The following LYPD6B variants were observed in gnomAD, a reference collection of about 807,000 sequenced individuals.
The protein encoded by LYPD6B is ly6/PLAUR domain-containing protein 6B.
LYPD6B carries 17 observed loss-of-function variants against 22.8 expected under a neutral mutation model. The observed-to-expected ratio is 0.75, with a 90% CI of 0.51 to 1.12. LYPD6B has a LOEUF of 1.12. Among genes scored for constraint, LYPD6B ranks in the 50% most tolerant of loss-of-function variants. LYPD6B has a pLI of 0.00. For missense variants in LYPD6B, 221 were observed against 258.3 expected, an observed-to-expected ratio of 0.86 and a Z score of 0.99; for synonymous variants, 106 against 91.6, an observed-to-expected ratio of 1.16 and a Z score of -0.90.
intron 3 of LYPD6B, among the ~76,000 whole-genome samples, chr2:149,197,866 GA>G (rs1575164984): frequency 6.6e-6 from 1 of 152,160 alleles, no homozygotes; most frequent in East Asian, 1.9e-4. Context: ...ATCATTTATG[GA>G]AACAAACAGG....
chr2:149,122,031 C>T (rs1333462022), intron 1 of LYPD6B, among the ~76,000 whole-genome samples: 1 of 152,226 alleles, frequency 6.6e-6, no homozygotes, highest in Non-Finnish European at 1.5e-5. Context: ...AACAAACTAT[C>T]ACCATAATTG....
In LYPD6B at chr2:149,215,092, A is replaced by G. The variant is rs1309201427; in HGVS notation, c.*382A>G. 2 of 185,274 alleles carry G rather than the reference A, an allele frequency of 1.1e-5. No individual in the cohort carries two copies. Among genetic ancestry groups the G allele is most frequent in the African/African-American group, 4.6e-5 (2 of 43,234 alleles). The allele number at this position is 185,274 out of a possible 1,614,324, so 11.5% of individuals were successfully genotyped here. On this transcript the variant is annotated 3_prime_UTR_variant, in exon 7 of 7. Transcript: ENST00000409642. ...ACCCTCTTGTTTATGTGATTAGCTC[A>G]GAGCATCTCTATGAAATCTAACCCT...
intron 3 of LYPD6B, among the ~76,000 whole-genome samples, chr2:149,165,527 TTAA>T (rs1245819863): frequency 1.3e-5 from 2 of 152,198 alleles, no homozygotes; most frequent in African/African-American, 4.8e-5. Flanking sequence ...TATAATAAAG[TTAA>T]TAACAACACA....
chr2:149,192,419 C>CTTTT (rs11369954), intron 3 of LYPD6B, among the ~76,000 whole-genome samples: 34 of 125,176 alleles, frequency 2.7e-4, no homozygotes, highest in African/African-American at 8.8e-4. Context: ...AGGGGCAAGT[C>CTTTT]TTTTTTTTTT....
intron 3 of LYPD6B, among the ~76,000 whole-genome samples, chr2:149,202,056 T>G (rs1389555633): frequency 6.6e-6 from 1 of 152,188 alleles, no homozygotes; most frequent in Non-Finnish European, 1.5e-5. Flanking sequence ...ATCAGTTGTT[T>G]TTAAGTTGTC....
Position 149,214,684 on chromosome 2 carries a change from T to G in LYPD6B, c.598T>G (p.Trp200Gly). 1.9e-6 allele frequency: 3 copies of G among 1,614,022 alleles called. No homozygotes were observed. The highest frequency in any genetic ancestry group is 2.5e-6 in the Non-Finnish European group (3 of 1,179,882). The change falls in exon 7 of 7, where the codon TGG becomes GGG. Residue 200 changes from tryptophan (W) to glycine (G), a missense_variant. Physicochemically the swap from Trp to Gly is radical, Grantham distance 184 (BLOSUM62 -2). Coordinates refer to ENST00000409642, the MANE Select transcript of LYPD6B (RefSeq NM_177964.5). ...CACACTCTACCTACCAGTGCTTGCC[T>G]GGGTCTTTGTGCTTCCATTGCTGTG... ...APTLYLPVLA[W>G]VFVLPLL
At chr2:149,046,959 T>G (rs939473455) in intron 1 of LYPD6B, among the ~76,000 whole-genome samples, 1 of 152,218 alleles carries the variant, frequency 6.6e-6, no homozygotes, top group East Asian at 1.9e-4. Flanking sequence ...CTTTTATTCT[T>G]AAACAATTCT....
intron 1 of LYPD6B, among the ~76,000 whole-genome samples, chr2:149,040,346 C>T (rs1479438512): frequency 6.6e-6 from 1 of 152,032 alleles, no homozygotes; most frequent in African/African-American, 2.4e-5. Flanking sequence ...CTGCCTCAGC[C>T]TCCCAAGTAG....
intron 1 of LYPD6B, among the ~76,000 whole-genome samples, chr2:149,094,678 CTAAA>C (rs1246484621): frequency 1.3e-5 from 2 of 152,116 alleles, no homozygotes; most frequent in Non-Finnish European, 2.9e-5. Flanking sequence ...ATATTTAAAA[CTAAA>C]TAGTTATAGA....
intron 2 of LYPD6B, among the ~76,000 whole-genome samples, chr2:149,146,846 G>A (rs1395879780): frequency 2.6e-5 from 4 of 152,104 alleles, no homozygotes; most frequent in East Asian, 1.9e-4. Flanking sequence ...CTTACCTGCC[G>A]GAACATATTT....
intron 5 of LYPD6B, among the ~76,000 whole-genome samples, chr2:149,212,070 C>A (rs546821448): frequency 1.2e-4 from 18 of 151,984 alleles, no homozygotes; most frequent in African/African-American, 4.3e-4. Flanking sequence ...GGATTAGAAC[C>A]AGAATAGAAA....
chr2:149,138,142 C>G (rs1292057929), intron 2 of LYPD6B, among the ~76,000 whole-genome samples: 3 of 152,080 alleles, frequency 2.0e-5, no homozygotes, highest in Admixed American at 1.3e-4. Flanking sequence ...TTTTAAAAAA[C>G]ACAAATTATG....
At chr2:149,119,637 A>G (rs1317115771) in intron 1 of LYPD6B, among the ~76,000 whole-genome samples, 2 of 152,168 alleles carry the variant, frequency 1.3e-5, no homozygotes, top group African/African-American at 4.8e-5. Flanking sequence ...CTTTGATTTC[A>G]TTTTAAAAGG....
intron 3 of LYPD6B, among the ~76,000 whole-genome samples, chr2:149,163,494 A>C (rs578164399): frequency 2.0e-5 from 3 of 152,280 alleles, no homozygotes; most frequent in African/African-American, 7.2e-5. Flanking sequence ...TTGTGTAAGA[A>C]CCTTTAGCAT....
At chr2:149,197,735 C>T (rs1447939616) in intron 3 of LYPD6B, among the ~76,000 whole-genome samples, 1 of 152,208 alleles carries the variant, frequency 6.6e-6, no homozygotes, top group East Asian at 1.9e-4. Context: ...GGGAAATGCA[C>T]AGCTGAGTGC....
intron 1 of LYPD6B, among the ~76,000 whole-genome samples, chr2:149,129,936 G>T (rs1038683280): frequency 1.3e-5 from 2 of 152,194 alleles, no homozygotes; most frequent in Non-Finnish European, 2.9e-5. Flanking sequence ...AGGTATATAC[G>T]CAGGTGCCTG....
chr2:149,111,961 A>G (rs116401344), intron 1 of LYPD6B, among the ~76,000 whole-genome samples: 275 of 152,306 alleles, frequency 1.8e-3, no homozygotes, highest in African/African-American at 6.5e-3. Flanking sequence ...TTGCTGCTCA[A>G]AGTTGAGGAA....
chr2:149,209,038 G>T (rs527950509), intron 5 of LYPD6B, among the ~76,000 whole-genome samples: 7 of 152,290 alleles, frequency 4.6e-5, no homozygotes, highest in African/African-American at 1.7e-4. Flanking sequence ...GTGATAGTTG[G>T]CTTGGCCTCT....
At chr2:149,075,643 A>C (rs1313208241) in intron 1 of LYPD6B, among the ~76,000 whole-genome samples, 1 of 152,172 alleles carries the variant, frequency 6.6e-6, no homozygotes, top group African/African-American at 2.4e-5. Context: ...AAGAACCTAT[A>C]ACTAATGTGC....
Sources: gnomAD v4.1 joint callset for allele counts (sites outside exome capture counted in the v4.1 genomes callset) on GRCh38, gnomAD v4.1.1 for gene constraint, MANE v1.5 for transcripts, NCBI Gene and HGNC (gene_info 2026-07-23, HGNC 2026-07-21) for gene names.